The following ENOX1 variants were observed in gnomAD, a reference collection of about 807,000 sequenced individuals.
The protein encoded by ENOX1 is ecto-NOX disulfide-thiol exchanger 1.
ENOX1 carries 42 observed loss-of-function variants against 82.5 expected under a neutral mutation model. That is an observed-to-expected ratio of 0.51 (90% CI 0.40 to 0.66). The LOEUF is 0.66. Ranked by LOEUF, ENOX1 falls within the 30% of genes least tolerant of loss-of-function variation. ENOX1 has a pLI of 0.00. For synonymous variants in ENOX1, 271 were observed against 282.2 expected, an observed-to-expected ratio of 0.96 and a Z score of 0.40; for missense variants, 608 against 811.6, an observed-to-expected ratio of 0.75 and a Z score of 3.05.
At chr13:43,290,622 C>T (rs771816363) in intron 12 of ENOX1, among the ~76,000 whole-genome samples, 4 of 152,158 alleles carry the variant, frequency 2.6e-5, no homozygotes, top group Middle Eastern at 3.2e-3. Flanking sequence ...GAGAAGGGCA[C>T]GGCTGCTGGA....
intron 5 of ENOX1, among the ~76,000 whole-genome samples, chr13:43,391,037 A>G (rs1187075959): frequency 1.3e-5 from 2 of 152,048 alleles, no homozygotes; most frequent in East Asian, 3.9e-4. Context: ...GATATTGTTC[A>G]ACCTTTAACC....
intron 1 of ENOX1, among the ~76,000 whole-genome samples, chr13:43,755,113 C>T (rs1227379213): frequency 6.6e-6 from 1 of 151,680 alleles, no homozygotes; most frequent in Non-Finnish European, 1.5e-5. Flanking sequence ...TTGTTATAAA[C>T]TCCAGAACAC....
intron 1 of ENOX1, among the ~76,000 whole-genome samples, chr13:43,668,215 C>G (rs1329564597): frequency 6.6e-6 from 1 of 152,138 alleles, no homozygotes; most frequent in Non-Finnish European, 1.5e-5. Flanking sequence ...AATCTGAGAA[C>G]CCACCTGAGA....
In ENOX1 at chr13:43,546,546, A is replaced by G. The variant is rs527708443; in HGVS notation, c.-218-62394T>C. ...GGAAACACTGAGACTGCAATCAAAT[A>G]AATCTCCTTTGCCGCCTCACTGTCG... On this transcript the variant is annotated intron_variant, in intron 2 of 16. Coordinates refer to ENST00000690772, the MANE Select transcript of ENOX1 (RefSeq NM_001347969.2). 5 of 152,254 alleles carry G rather than the reference A, an allele frequency of 3.3e-5. No homozygotes were observed. The East Asian group carries it at 7.7e-4, about 24-fold the overall frequency. 9.4% of individuals were successfully genotyped at this position (152,254 alleles called of 1,614,324 possible).
chr13:43,702,839 G>A (rs1332546195), intron 1 of ENOX1, among the ~76,000 whole-genome samples: 2 of 151,166 alleles, frequency 1.3e-5, no homozygotes, highest in Non-Finnish European at 2.9e-5. Context: ...TGTAATCCCA[G>A]CTACTCGGGA....
At chr13:43,516,781 G>GA (rs2077576849) in intron 2 of ENOX1, among the ~76,000 whole-genome samples, 1 of 152,078 alleles carries the variant, frequency 6.6e-6, no homozygotes, top group African/African-American at 2.4e-5. Context: ...TACATGCCTA[G>GA]AAAGCCACCA....
chr13:43,447,420 C>A (rs946759367), intron 3 of ENOX1, among the ~76,000 whole-genome samples: 1 of 152,172 alleles, frequency 6.6e-6, no homozygotes, highest in African/African-American at 2.4e-5. Context: ...AATTTACATG[C>A]CAAGGTGTTC....
chr13:43,318,329 T>G (rs2047626639), intron 11 of ENOX1, among the ~76,000 whole-genome samples: 1 of 152,180 alleles, frequency 6.6e-6, no homozygotes, highest in Non-Finnish European at 1.5e-5. Flanking sequence ...CTTTAGGACA[T>G]CCCTAATATT....
At chr13:43,238,759 G>C (rs899094024) in intron 14 of ENOX1, among the ~76,000 whole-genome samples, 1 of 152,204 alleles carries the variant, frequency 6.6e-6, no homozygotes, top group African/African-American at 2.4e-5. Context: ...TCTGTTCACA[G>C]CCTGGATGAT....
At chr13:43,766,130 T>C (rs1450686296) in intron 1 of ENOX1, among the ~76,000 whole-genome samples, 1 of 152,234 alleles carries the variant, frequency 6.6e-6, no homozygotes, top group Non-Finnish European at 1.5e-5. Context: ...TGATATGCAC[T>C]GGACACTGCA....
At chr13:43,516,333 G>A (rs2077560076) in intron 2 of ENOX1, among the ~76,000 whole-genome samples, 1 of 152,068 alleles carries the variant, frequency 6.6e-6, no homozygotes, top group Non-Finnish European at 1.5e-5. Context: ...AAGCTTCTAC[G>A]GGATCTAAAA....
intron 2 of ENOX1, among the ~76,000 whole-genome samples, chr13:43,566,124 T>C (rs1357061850): frequency 6.6e-6 from 1 of 152,210 alleles, no homozygotes; most frequent in Non-Finnish European, 1.5e-5. Flanking sequence ...CTACTAAAAT[T>C]ATGCTTTCTT....
intron 14 of ENOX1, among the ~76,000 whole-genome samples, chr13:43,243,922 C>T (rs1050038522): frequency 2.0e-5 from 3 of 152,022 alleles, no homozygotes; most frequent in Non-Finnish European, 4.4e-5. Context: ...TCCTGTATCT[C>T]CCAGAGGCAT....
At chr13:43,466,366 T>G (rs1313333100) in intron 3 of ENOX1, among the ~76,000 whole-genome samples, 2 of 152,116 alleles carry the variant, frequency 1.3e-5, no homozygotes, top group Non-Finnish European at 2.9e-5. Context: ...ACAGTGAAAA[T>G]TATACTTGAT....
chr13:43,278,144 C>CT (rs2045169027), intron 12 of ENOX1, among the ~76,000 whole-genome samples: 1 of 152,192 alleles, frequency 6.6e-6, no homozygotes, highest in African/African-American at 2.4e-5. Flanking sequence ...GATCTAAATT[C>CT]TAATTGTTGC....
chr13:43,579,581 A>G (rs2080610281), intron 2 of ENOX1, among the ~76,000 whole-genome samples: 1 of 152,158 alleles, frequency 6.6e-6, no homozygotes, highest in Admixed American at 6.5e-5. Context: ...TTCACTATCC[A>G]TGTCTATGTT....
chr13:43,482,683 G>A (rs180968821), intron 3 of ENOX1, among the ~76,000 whole-genome samples: 8 of 151,746 alleles, frequency 5.3e-5, no homozygotes, highest in Admixed American at 4.6e-4. Context: ...AAAGGAAATT[G>A]GATCCCTGGG....
At chr13:43,444,295 C>CAGCAAGGAG (rs968419107) in intron 3 of ENOX1, among the ~76,000 whole-genome samples, 12 of 152,322 alleles carry the variant, frequency 7.9e-5, no homozygotes, top group Admixed American at 5.9e-4. Context: ...TGTTAGTCAT[C>CAGCAAGGAG]AGCAAGGAGA....
At position 43,574,353 on chromosome 13, in the gene ENOX1, C is replaced by T. The variant is rs148074960; in HGVS notation, c.-218-90201G>A. On this transcript the variant is annotated intron_variant, in intron 2 of 16. Transcript: ENST00000690772. ...GAAAGCAAGCCACCACACAGCTTTT[C>T]CCGTCCAATTAGTAAAAGTGCAGTA... is the stretch of plus-strand genomic sequence containing the variant. Among the ~76,000 whole-genome samples the T allele has an allele frequency of 6.9e-3, 1,051 of 152,258 alleles. 5 individuals carry two copies. Among genetic ancestry groups the T allele is most frequent in the Admixed American group, 0.012 (180 of 15,286 alleles).
Sources: allele counts gnomAD v4.1 joint callset (sites outside exome capture counted in the v4.1 genomes callset), GRCh38; gene constraint gnomAD v4.1.1; transcripts MANE v1.5; gene names NCBI Gene and HGNC (gene_info 2026-07-23, HGNC 2026-07-21).